SH2D7: variants seen among roughly 807,000 people sequenced by gnomAD.
The protein encoded by SH2D7 is SH2 domain-containing protein 7.
A neutral mutation model predicts 40.8 loss-of-function variants in SH2D7; 32 were observed. That is an observed-to-expected ratio of 0.78 (90% CI 0.59 to 1.05). The LOEUF is 1.05. SH2D7 is among the 50% of genes least tolerant of loss of function. The pLI is 0.00. For synonymous variants in SH2D7, 195 were observed against 221.5 expected (o/e 0.88, Z 1.06); for missense variants, 559 against 566.6 (o/e 0.99, Z 0.14).
chr15:78,102,979 T>TAGC (rs2074027425), intron 5 of SH2D7, among the ~76,000 whole-genome samples: 1 of 152,098 alleles, frequency 6.6e-6, no homozygotes, highest in Non-Finnish European at 1.5e-5. Flanking sequence ...ACCCCATGGA[T>TAGC]AGCAGCCTTT....
intron 4 of SH2D7, among the ~76,000 whole-genome samples, 162 bp from the exon 5 acceptor site, chr15:78,100,737 C>A (rs1042579552): frequency 6.6e-6 from 1 of 152,168 alleles, no homozygotes; most frequent in Non-Finnish European, 1.5e-5. Flanking sequence ...AGAGCATGAG[C>A]GCTGGAAGGG....
upstream of SH2D7, among the ~76,000 whole-genome samples, chr15:78,090,323 G>A (rs148255690): frequency 5.1e-4 from 78 of 152,238 alleles, no homozygotes; most frequent in African/African-American, 1.7e-3. Flanking sequence ...CAGGAAAATC[G>A]CTTGAACCCA....
At position 78,103,553 on chromosome 15, in the gene SH2D7, G is replaced by A. The variant is rs547901889; in HGVS notation, c.*38G>A. 50 of 1,553,938 alleles carry A rather than the reference G, an allele frequency of 3.2e-5. No individual in the cohort carries two copies. The highest frequency in any genetic ancestry group is 4.1e-5 in the Non-Finnish European group (47 of 1,148,220). ...CGGCAGCCCACCAGTGGGTTTCCTG[G>A]TACCCAGGCCATGCCAGGGGTTATC... On this transcript the variant is annotated 3_prime_UTR_variant, in exon 6 of 6. Coordinates refer to ENST00000328828, the MANE Select transcript of SH2D7 (RefSeq NM_001101404.2).
At position 78,101,384 on chromosome 15, in the gene SH2D7, C is replaced by A; in HGVS notation, c.1131C>A (p.Ile377=). The part of the protein sequence containing the change: ...PDQEGSTYEQ[I]PACWGGPARA... ...AAGAAGGCAGCACCTATGAGCAGAT[C>A]CCAGCTTGCTGGGGTGGCCCAGCCA... The change falls in exon 5 of 6, where the codon ATC becomes ATA. Residue 377 remains isoleucine, a synonymous_variant. Transcript: ENST00000328828. 1 of 1,613,538 alleles carries A rather than the reference C, an allele frequency of 6.2e-7. No individual in the cohort carries two copies. The highest frequency in any genetic ancestry group is 8.5e-7 in the Non-Finnish European group (1 of 1,179,750).
chr15:78,096,569 C>T (rs1206712972), intron 2 of SH2D7, among the ~76,000 whole-genome samples: 1 of 152,128 alleles, frequency 6.6e-6, no homozygotes. Flanking sequence ...AATCTCAGCC[C>T]ACTGCAACCT....
chr15:78,092,470 T>C, upstream of SH2D7: 1 of 1,182,794 alleles, frequency 8.5e-7, no homozygotes, highest in Non-Finnish European at 1.2e-6. Context: ...ATGGGGCTGC[T>C]GTGTGCTATG....
At position 78,100,933 on chromosome 15, in the gene SH2D7, G is replaced by A. The variant is rs953628773; in HGVS notation, c.680G>A (p.Ser227Asn). ...AGAGTGTCTCCACTCCCTGAGAAGA[G>A]TTCCTCCCTCCTGGAAGAGTCTTTT... Reference protein sequence around the residue: ...PIRVSPLPEKSSSLLEESFGG... With the variant: ...PIRVSPLPEKNSSLLEESFGG... Residue 227 changes from serine to asparagine, a missense_variant, in exon 5 of 6, where the codon AGT (serine) becomes AAT (asparagine). Coordinates refer to ENST00000328828, the MANE Select transcript of SH2D7 (RefSeq NM_001101404.2). 2 of 1,613,718 alleles carry A rather than the reference G, an allele frequency of 1.2e-6. No homozygotes were observed. Among genetic ancestry groups the A allele is most frequent in the Non-Finnish European group, 1.7e-6 (2 of 1,179,884 alleles).
intron 2 of SH2D7, among the ~76,000 whole-genome samples, chr15:78,096,272 A>G (rs2073972036): frequency 6.6e-6 from 1 of 152,234 alleles, no homozygotes; most frequent in African/African-American, 2.4e-5. Context: ...CAGAATATAT[A>G]AAGAACTCCT....
At chr15:78,095,730 G>A (rs748104175) in intron 2 of SH2D7, among the ~76,000 whole-genome samples, 18 of 152,152 alleles carry the variant, frequency 1.2e-4, no homozygotes, top group Non-Finnish European at 1.9e-4. Context: ...AAATGAAAAT[G>A]CCTTTGAAAA....
intron 1 of SH2D7, among the ~76,000 whole-genome samples, chr15:78,093,743 TCAA>T (rs1445068796): frequency 1.3e-5 from 2 of 152,186 alleles, no homozygotes; most frequent in Non-Finnish European, 2.9e-5. Context: ...CCACTAAACC[TCAA>T]CATCTCCAGC....
intron 1 of SH2D7, 139 bp from the exon 2 acceptor site, chr15:78,093,973 C>A (rs368622718): frequency 1.4e-6 from 1 of 729,804 alleles, no homozygotes; most frequent in African/African-American, 1.8e-5. Flanking sequence ...ATCCACAGGT[C>A]TGAGTGGCTC....
At chr15:78,091,982 G>C (rs2073943000), upstream of SH2D7, among the ~76,000 whole-genome samples, 1 of 152,170 alleles carries the variant, frequency 6.6e-6, no homozygotes, top group African/African-American at 2.4e-5. Context: ...TATTCCATTT[G>C]ACTCTATATT....
rs534439040 is a variant in SH2D7, at chr15:78,103,478, G to A, written c.1319G>A (p.Arg440Gln). Residue 440 changes from arginine (R) to glutamine (Q), a missense_variant, in exon 6 of 6, where the codon CGG (arginine) becomes CAG (glutamine). Physicochemically the swap from Arg to Gln is conservative, Grantham distance 43. Coordinates refer to ENST00000328828, the MANE Select transcript of SH2D7 (RefSeq NM_001101404.2). The part of the protein sequence containing the change: ...TGRTHKPDKL[R>Q]RLFFTYRKHK... ...CCTTCCTTGCAGCCTGACAAGCTTCGGAGGCTCTTCTTCACGTACAGGAAG... is the reference window on the plus strand; with the variant it reads ...CCTTCCTTGCAGCCTGACAAGCTTCAGAGGCTCTTCTTCACGTACAGGAAG... 6.0e-5 allele frequency: 93 copies of A among 1,561,968 alleles called. No individual in the cohort carries two copies. The highest frequency in any genetic ancestry group is 7.6e-5 in the Admixed American group (4 of 52,620).
Position 78,098,534 on chromosome 15 carries a change from C to T in SH2D7, c.583C>T (p.Leu195Phe), listed in dbSNP as rs756526349. The part of the protein sequence containing the change: ...RSSPKPQVSF[L>F]HAQKSLDVSP... Reference sequence around the variant, plus strand: ...TTCTCCAAAGCCCCAGGTCTCCTTCCTCCATGCACAGAAAAGCCTGGATGT... The same window carrying T: ...TTCTCCAAAGCCCCAGGTCTCCTTCTTCCATGCACAGAAAAGCCTGGATGT... Residue 195 changes from leucine to phenylalanine, a missense_variant, in exon 4 of 6, where the codon CTC becomes TTC. Leu to Phe is a conservative substitution (Grantham distance 22). Coordinates refer to ENST00000328828, the MANE Select transcript of SH2D7 (RefSeq NM_001101404.2). The T allele has an allele frequency of 8.1e-6, 13 of 1,613,924 alleles. No individual in the cohort carries two copies. The African/African-American group carries it at 1.3e-4, about 17-fold the overall frequency.
At chr15:78,092,466 C>A, upstream of SH2D7, 1 of 1,140,236 alleles carries the variant, frequency 8.8e-7, no homozygotes, top group Non-Finnish European at 1.2e-6. Context: ...GACAATGGGG[C>A]TGCTGTGTGC....
At position 78,097,832 on chromosome 15, in the gene SH2D7, G is replaced by A. The variant is rs1754047394; in HGVS notation, c.267-97G>A. ...AGGTCTGTTCTGGATCAAGAGCTGG[G>A]ACCCCTCACCTGCACCCAGGCACAG... On this transcript the variant is annotated intron_variant, in intron 2 of 5. Coordinates refer to ENST00000328828, the MANE Select transcript of SH2D7 (RefSeq NM_001101404.2). The A allele has an allele frequency of 1.6e-5, 23 of 1,479,128 alleles. No homozygotes were observed. In the South Asian group the frequency reaches 1.6e-4, roughly 10 times the overall value. The allele number at this position is 1,479,128 out of a possible 1,614,324, so 91.6% of individuals were successfully genotyped here.
In SH2D7 at chr15:78,100,920, C is replaced by T. The variant is rs780684997; in HGVS notation, c.667C>T (p.Leu223Phe). ...CCAGGCTCCCATCAGAGTGTCTCCA[C>T]TCCCTGAGAAGAGTTCCTCCCTCCT... is the stretch of plus-strand genomic sequence containing the variant. ...SMEAPIRVSP[L>F]PEKSSSLLEE... is the part of the protein sequence containing the mutation. The change falls in exon 5 of 6, where the codon CTC (leucine) becomes TTC (phenylalanine). Residue 223 changes from leucine (L) to phenylalanine (F), a missense_variant. By Grantham distance (22) the Leu-to-Phe change is conservative. Transcript: ENST00000328828. 6.2e-7 allele frequency: 1 copy of T among 1,613,712 alleles called. No individual in the cohort carries two copies. Among genetic ancestry groups the T allele is most frequent in the African/African-American group, 1.3e-5 (1 of 75,046 alleles).
chr15:78,098,864 C>T (rs2073993749), intron 4 of SH2D7, among the ~76,000 whole-genome samples: 1 of 152,226 alleles, frequency 6.6e-6, no homozygotes. Flanking sequence ...CTCTGAGCCT[C>T]AGTTTACCAT....
intron 3 of SH2D7, 69 bp downstream of exon 3, chr15:78,098,163 C>G (rs2073986561): frequency 1.3e-6 from 2 of 1,492,372 alleles, no homozygotes. Flanking sequence ...ATCCATCACT[C>G]AGACATACTC....
Sources: allele counts gnomAD v4.1 joint callset (sites outside exome capture counted in the v4.1 genomes callset), GRCh38; gene constraint gnomAD v4.1.1; transcripts MANE v1.5; gene names NCBI Gene and HGNC (gene_info 2026-07-23, HGNC 2026-07-21).